Variants in PRDM5 observed in about 807,000 individuals in gnomAD.
PRDM5 encodes PR/SET domain 5.
A neutral mutation model predicts 81.2 loss-of-function variants in PRDM5; 56 were observed. The observed-to-expected ratio is 0.69, with a 90% CI of 0.56 to 0.86. The LOEUF is 0.86. Among genes scored for constraint, PRDM5 ranks in the 40% least tolerant of loss-of-function variants. The pLI is 0.00. For synonymous variants in PRDM5, 267 were observed against 256.4 expected (o/e 1.04, Z -0.39); for missense variants, 697 against 770.1 (o/e 0.91, Z 1.12).
chr4:120,919,790 C>G (rs1305457178), intron 1 of PRDM5, among the ~76,000 whole-genome samples: 1 of 152,136 alleles, frequency 6.6e-6, no homozygotes, highest in East Asian at 1.9e-4. Flanking sequence ...GTCTGGCACA[C>G]AGCATGCAAA....
At chr4:120,860,283 C>T (rs1242637329) in intron 2 of PRDM5, among the ~76,000 whole-genome samples, 6 of 152,036 alleles carry the variant, frequency 3.9e-5, no homozygotes, top group African/African-American at 1.4e-4. Flanking sequence ...ACTCTCATTG[C>T]CTTTATTTCC....
At position 120,807,475 on chromosome 4, in the gene PRDM5, T is replaced by C. The variant is rs141587585; in HGVS notation, c.945+3895A>G. On this transcript the variant is annotated intron_variant, in intron 8 of 15. Coordinates refer to ENST00000264808, the MANE Select transcript of PRDM5 (RefSeq NM_018699.4). ...TGGAACCAACCCAAATGTCCATCAA[T>C]GACAGACTGGATTAAGAAAATGTGG... is the stretch of plus-strand genomic sequence containing the variant. Among the ~76,000 whole-genome samples, 553 of 152,308 alleles carry C rather than the reference T, an allele frequency of 3.6e-3. 3 individuals carry two copies. Among genetic ancestry groups the C allele is most frequent in the African/African-American group, 0.013 (530 of 41,578 alleles).
chr4:120,910,651 T>C (rs966311341), intron 1 of PRDM5, among the ~76,000 whole-genome samples: 2 of 152,222 alleles, frequency 1.3e-5, no homozygotes, highest in Non-Finnish European at 2.9e-5. Flanking sequence ...CCCATACATA[T>C]ATAATTCTTT....
At chr4:120,894,078 T>C (rs1764356388) in intron 2 of PRDM5, among the ~76,000 whole-genome samples, 1 of 152,216 alleles carries the variant, frequency 6.6e-6, no homozygotes, top group South Asian at 2.1e-4. Flanking sequence ...ATTTTCTATA[T>C]GACACAGTTG....
chr4:120,895,650 T>TAG, intron 2 of PRDM5: 1 of 152,416 alleles, frequency 6.6e-6, no homozygotes, highest in East Asian at 1.9e-4. Context: ...TCTTTATCTA[T>TAG]CATATAAGAA....
chr4:120,763,645 G>T (rs1384126849), intron 13 of PRDM5, among the ~76,000 whole-genome samples: 1 of 152,140 alleles, frequency 6.6e-6, no homozygotes, highest in African/African-American at 2.4e-5. Context: ...CATTGATGTG[G>T]TTTTGTTGTT....
chr4:120,906,122 C>A (rs1421233025), intron 2 of PRDM5, among the ~76,000 whole-genome samples: 2 of 152,068 alleles, frequency 1.3e-5, no homozygotes, highest in Non-Finnish European at 2.9e-5. Flanking sequence ...CAGGCACGTA[C>A]CACAAGGCCC....
chr4:120,867,660 T>C (rs1369195791), intron 2 of PRDM5, among the ~76,000 whole-genome samples: 2 of 152,236 alleles, frequency 1.3e-5, no homozygotes, highest in African/African-American at 2.4e-5. Flanking sequence ...CAAAAGGTAT[T>C]ATGTAACTTT....
At chr4:120,875,360 A>G (rs1762239853) in intron 2 of PRDM5, among the ~76,000 whole-genome samples, 1 of 152,230 alleles carries the variant, frequency 6.6e-6, no homozygotes, top group Non-Finnish European at 1.5e-5. Context: ...TGAGACTGCC[A>G]AGGAGCCAGC....
At chr4:120,724,229 C>T (rs566388906) in intron 14 of PRDM5, among the ~76,000 whole-genome samples, 2 of 152,034 alleles carry the variant, frequency 1.3e-5, no homozygotes, top group East Asian at 1.9e-4. Flanking sequence ...AGTCTCCATG[C>T]GGTATTAGGC....
At chr4:120,833,696 G>A (rs1230145447) in intron 3 of PRDM5, among the ~76,000 whole-genome samples, 1 of 152,108 alleles carries the variant, frequency 6.6e-6, no homozygotes, top group Non-Finnish European at 1.5e-5. Flanking sequence ...TAAATTTGTG[G>A]ATAGAAGACA....
downstream of PRDM5, among the ~76,000 whole-genome samples, chr4:120,690,015 C>A (rs530171559): frequency 2.7e-4 from 41 of 152,192 alleles, no homozygotes; most frequent in African/African-American, 9.1e-4. Context: ...ACATTGCTCC[C>A]CATCTCCATA....
At chr4:120,701,695 G>T (rs7667569) in intron 15 of PRDM5, among the ~76,000 whole-genome samples, 1,884 of 152,174 alleles carry the variant, frequency 0.012, 36 homozygotes, top group African/African-American at 0.043. Flanking sequence ...GGAGATAAGG[G>T]TTGAAAAACT....
intron 3 of PRDM5, among the ~76,000 whole-genome samples, chr4:120,849,368 A>T (rs1759007021): frequency 6.6e-6 from 1 of 152,164 alleles, no homozygotes; most frequent in African/African-American, 2.4e-5. Flanking sequence ...GAGGTTCAAT[A>T]ATCTGTGACA....
chr4:120,729,503 T>G (rs985185623), intron 14 of PRDM5, among the ~76,000 whole-genome samples: 1 of 152,188 alleles, frequency 6.6e-6, no homozygotes, highest in Non-Finnish European at 1.5e-5. Context: ...AAACTTGCCA[T>G]GTGACCTACT....
At chr4:120,754,302 T>C (rs1254277763) in intron 14 of PRDM5, among the ~76,000 whole-genome samples, 1 of 152,166 alleles carries the variant, frequency 6.6e-6, no homozygotes, top group Non-Finnish European at 1.5e-5. Context: ...AAGTTCATCA[T>C]TTATAACTCC....
In PRDM5 at chr4:120,796,612, C is replaced by T. The variant is rs1261311784; in HGVS notation, c.1188+1655G>A. On this transcript the variant is annotated intron_variant, in intron 10 of 15. Transcript: ENST00000264808. ...GTAATTCCAAAGCAGCAGTAATGAA[C>T]GCAGTCCTGCCCCGAATGTACAATG... 7.2e-5 allele frequency among the ~76,000 whole-genome samples: 11 copies of T among 152,120 alleles called. No individual in the cohort carries two copies. The East Asian group carries it at 1.5e-3, about 21-fold the overall frequency.
chr4:120,685,383 G>T (rs894097261), intron 1 of PRDM5, among the ~76,000 whole-genome samples: 12 of 152,052 alleles, frequency 7.9e-5, no homozygotes, highest in African/African-American at 2.9e-4. Flanking sequence ...TTAGTTAAAA[G>T]AATAGGTATC....
At chr4:120,818,569 A>G in intron 4 of PRDM5, 42 bp from the exon 5 acceptor site, 1 of 1,550,620 alleles carries the variant, frequency 6.4e-7, no homozygotes, top group East Asian at 2.2e-5. Context: ...ACAAAAATTC[A>G]GAGCCAAGAA....
Sources: allele counts gnomAD v4.1 joint callset (sites outside exome capture counted in the v4.1 genomes callset), GRCh38; gene constraint gnomAD v4.1.1; transcripts MANE v1.5; gene names NCBI Gene and HGNC (gene_info 2026-07-23, HGNC 2026-07-21).